WWP2: variants seen among roughly 807,000 people sequenced by gnomAD.
WWP2 encodes the protein WW domain containing E3 ubiquitin protein ligase 2, also known as NEDD4-like E3 ubiquitin-protein ligase WWP2.
WWP2 carries 57 observed loss-of-function variants against 121.0 expected under a neutral mutation model. The ratio of observed to expected loss-of-function variants is 0.47; its 90% CI spans 0.38 to 0.59. The LOEUF is 0.59. Among genes scored for constraint, WWP2 ranks in the 20% least tolerant of loss-of-function variants. WWP2 has a pLI of 0.00. For synonymous variants in WWP2, 449 were observed against 441.3 expected (o/e 1.02, Z -0.22); for missense variants, 962 against 1,158.9 (o/e 0.83, Z 2.47).
chr16:69,828,754 G>T (rs1210338168), intron 4 of WWP2, among the ~76,000 whole-genome samples: 2 of 152,176 alleles, frequency 1.3e-5, no homozygotes, highest in Admixed American at 6.5e-5. Context: ...ACCCGTCTTG[G>T]CAAGGTCATC....
chr16:69,909,179 T>C, intron 9 of WWP2: 1 of 1,030,878 alleles, frequency 9.7e-7, no homozygotes, highest in East Asian at 8.5e-5. Flanking sequence ...GCCGCCAAGT[T>C]ATCCAAAACC....
chr16:69,795,649 G>GA (rs775180834), intron 2 of WWP2, among the ~76,000 whole-genome samples: 1 of 66,928 alleles, frequency 1.5e-5, no homozygotes, highest in Non-Finnish European at 2.6e-5. Flanking sequence ...AAAATAGGAG[G>GA]TTTTTTTTTT....
chr16:69,815,787 GAAAA>G (rs767903816), intron 4 of WWP2, among the ~76,000 whole-genome samples: 2 of 95,982 alleles, frequency 2.1e-5, no homozygotes, highest in Non-Finnish European at 4.3e-5. Flanking sequence ...ACTCCGTCTC[GAAAA>G]AAAAAAAAAA....
intron 17 of WWP2, among the ~76,000 whole-genome samples, chr16:69,934,888 T>C (rs1264363264): frequency 2.0e-5 from 3 of 152,152 alleles, no homozygotes; most frequent in Non-Finnish European, 2.9e-5. Context: ...CGCCAGTCCA[T>C]GGGCGCTGCC....
intron 4 of WWP2, among the ~76,000 whole-genome samples, chr16:69,836,239 C>T (rs961040103): frequency 1.3e-5 from 2 of 151,992 alleles, no homozygotes; most frequent in Non-Finnish European, 2.9e-5. Flanking sequence ...TCACAATTCA[C>T]GCATGGCATT....
intron 8 of WWP2, among the ~76,000 whole-genome samples, chr16:69,892,965 A>G (rs1597120014): frequency 6.6e-6 from 1 of 152,178 alleles, no homozygotes; most frequent in South Asian, 2.1e-4. Context: ...GTGTAATATG[A>G]CCCCACCTAC....
intron 6 of WWP2, among the ~76,000 whole-genome samples, chr16:69,854,074 A>C (rs568028515): frequency 4.5e-4 from 68 of 152,242 alleles, no homozygotes; most frequent in Non-Finnish European, 8.7e-4. Flanking sequence ...ATAAGGGCAC[A>C]ATTCAGGGCA....
At chr16:69,880,411 CT>C (rs1293674977) in intron 7 of WWP2, among the ~76,000 whole-genome samples, 1 of 151,900 alleles carries the variant, frequency 6.6e-6, no homozygotes, top group African/African-American at 2.4e-5. Context: ...CTAGTTTTGC[CT>C]TTTTTTCCTC....
At position 69,937,469 on chromosome 16, in the gene WWP2, G is replaced by C. The variant is rs2058816758; in HGVS notation, c.2239-79G>C. On this transcript the variant is annotated intron_variant, in intron 20 of 23. Transcript: ENST00000359154. This position sits in a 1 kb window ranked among gnomAD's most constrained non-coding sequence, Gnocchi z 6.6. ...CAAAAATAGCTAGTTGAATATGTTT[G>C]GGGTAATGTCAAGTGCTAGCGAGTG... 2.0e-6 allele frequency: 3 copies of C among 1,480,890 alleles called. No homozygotes were observed. The highest frequency in any genetic ancestry group is 2.8e-6 in the Non-Finnish European group (3 of 1,065,334). 91.7% of individuals were successfully genotyped at this position (1,480,890 alleles called of 1,614,324 possible).
chr16:69,820,310 C>G (rs1023456270), intron 4 of WWP2, among the ~76,000 whole-genome samples: 1 of 152,118 alleles, frequency 6.6e-6, no homozygotes, highest in Non-Finnish European at 1.5e-5. Flanking sequence ...TGGTGCATCT[C>G]AGCTCACTGC....
At chr16:69,886,232 A>G (rs2057921440) in intron 7 of WWP2, among the ~76,000 whole-genome samples, 1 of 152,148 alleles carries the variant, frequency 6.6e-6, no homozygotes, top group South Asian at 2.1e-4. Flanking sequence ...GGTGGGCACC[A>G]CCATGCCCAA....
chr16:69,931,129 C>T lies in WWP2; in HGVS notation c.1446-23C>T, dbSNP rs368500964. The stretch of plus-strand genomic sequence containing the variant: ...ATTTTCTGAGAAATCGCATGAACCC[C>T]TGAACATCTTTGCTCTTCCTAGGAC... On this transcript the variant is annotated intron_variant, in intron 13 of 23. Coordinates refer to ENST00000359154, the MANE Select transcript of WWP2 (RefSeq NM_001270454.2). The T allele has an allele frequency of 5.5e-5, 89 of 1,612,480 alleles. No individual in the cohort carries two copies. The African/African-American group carries it at 1.0e-3, about 18-fold the overall frequency.
intron 7 of WWP2, among the ~76,000 whole-genome samples, chr16:69,875,803 C>CA (rs1237337000): frequency 3.3e-5 from 5 of 152,294 alleles, no homozygotes; most frequent in African/African-American, 1.2e-4. Flanking sequence ...TTCCTTCCTC[C>CA]ACTGAAATCT....
chr16:69,842,452 AT>A (rs1567698174), intron 6 of WWP2, among the ~76,000 whole-genome samples: 1 of 152,030 alleles, frequency 6.6e-6, no homozygotes, highest in African/African-American at 2.4e-5. Context: ...ATAGTACCTG[AT>A]TGGTAGTTTT....
chr16:69,929,252 CCAA>C (rs2058678801), intron 11 of WWP2, among the ~76,000 whole-genome samples, 193 bp from the exon 12 acceptor site: 2 of 151,990 alleles, frequency 1.3e-5, no homozygotes, highest in African/African-American at 2.4e-5. Context: ...CCCCCCACCA[CCAA>C]CAAGGAAGGA....
intron 4 of WWP2, among the ~76,000 whole-genome samples, chr16:69,816,585 G>A (rs988048437): frequency 6.6e-6 from 1 of 151,278 alleles, no homozygotes; most frequent in African/African-American, 2.4e-5. Context: ...AACATTATTA[G>A]TATTTTTCTG....
chr16:69,911,592 G>GT (rs1487860032), intron 9 of WWP2, among the ~76,000 whole-genome samples: 1 of 152,194 alleles, frequency 6.6e-6, no homozygotes, highest in Non-Finnish European at 1.5e-5. Context: ...GCCAAAGAGG[G>GT]TGGAAGGGCT....
chr16:69,883,878 AG>A (rs2151933065), intron 7 of WWP2, among the ~76,000 whole-genome samples: 1 of 152,330 alleles, frequency 6.6e-6, no homozygotes, highest in African/African-American at 2.4e-5. Context: ...AGATCCGAGT[AG>A]TGTTGATTGG....
At chr16:69,857,143 G>A (rs901903372) in intron 6 of WWP2, among the ~76,000 whole-genome samples, 2 of 151,710 alleles carry the variant, frequency 1.3e-5, no homozygotes, top group Admixed American at 6.6e-5. Context: ...TCACTCTGTC[G>A]CTCAGGCTGG....
Sources: allele counts gnomAD v4.1 joint callset (sites outside exome capture counted in the v4.1 genomes callset), GRCh38; gene constraint gnomAD v4.1.1; non-coding constraint Gnocchi (gnomAD v3.1); transcripts MANE v1.5; gene names NCBI Gene and HGNC (gene_info 2026-07-23, HGNC 2026-07-21).